The following WRAP53 variants were observed in gnomAD, a reference collection of about 807,000 sequenced individuals.
WRAP53 encodes the protein telomerase Cajal body protein 1.
WRAP53 carries 28 observed loss-of-function variants against 56.6 expected under a neutral mutation model. The ratio of observed to expected loss-of-function variants is 0.50; its 90% CI spans 0.37 to 0.68. The LOEUF is 0.68. WRAP53 is among the 30% of genes least tolerant of loss of function. The probability of loss-of-function intolerance (pLI) is 0.00; values close to 1 mark genes in which losing one functional copy is unlikely to be tolerated. For missense variants in WRAP53, 671 were observed against 715.5 expected (o/e 0.94, Z 0.71); for synonymous variants, 283 against 283.4 (o/e 1.00, Z 0.01).
intron 1 of WRAP53, 33 bp from the exon 2 acceptor site, chr17:7,688,615 C>G (rs986262623): frequency 1.2e-6 from 2 of 1,612,710 alleles, no homozygotes; most frequent in African/African-American, 2.7e-5. Context: ...GCCATCCTGG[C>G]TGAGGCTAAT....
upstream of WRAP53, chr17:7,686,939 G>A (rs2074003017): frequency 6.0e-6 from 1 of 166,710 alleles, no homozygotes; most frequent in African/African-American, 2.4e-5. Context: ...TTTCGGAATG[G>A]AGCCCCAGTT....
At chr17:7,689,877 C>G (rs1292072374) in intron 4 of WRAP53, among the ~76,000 whole-genome samples, 176 bp downstream of exon 4, 1 of 152,166 alleles carries the variant, frequency 6.6e-6, no homozygotes, top group Non-Finnish European at 1.5e-5. Flanking sequence ...GAGAGGTTTC[C>G]CCTTTCTTTA....
chr17:7,703,306 A>C lies in WRAP53; in HGVS notation c.1467A>C (p.Thr489=). The change falls in exon 11 of 11, where the codon ACA becomes ACC. Residue 489 remains threonine (T), a synonymous_variant. Coordinates refer to ENST00000396463, the MANE Select transcript of WRAP53 (RefSeq NM_001143992.2). ...ASGQRVFPEP[T]ESGDEGEELG... is the part of the protein sequence containing the mutation. The stretch of plus-strand genomic sequence containing the variant: ...GTCAGCGTGTGTTTCCTGAGCCCAC[A>C]GAGAGTGGGGACGAAGGAGAGGAGC... 1 of 1,613,922 alleles carries C rather than the reference A, an allele frequency of 6.2e-7. No homozygotes were observed. Among genetic ancestry groups the C allele is most frequent in the Non-Finnish European group, 8.5e-7 (1 of 1,180,012 alleles).
intron 4 of WRAP53, among the ~76,000 whole-genome samples, chr17:7,696,297 T>TTA (rs2081155243): frequency 7.3e-6 from 1 of 136,474 alleles, no homozygotes; most frequent in Non-Finnish European, 1.6e-5. Context: ...GAGATTTTTT[T>TTA]TTTTTTTTTT....
intron 4 of WRAP53, among the ~76,000 whole-genome samples, chr17:7,691,408 T>TG: frequency 6.7e-6 from 1 of 149,156 alleles, no homozygotes; most frequent in African/African-American, 2.5e-5. Context: ...TTTTTTTTTT[T>TG]GAGACGAGTC....
intron 4 of WRAP53, among the ~76,000 whole-genome samples, chr17:7,693,672 C>A (rs1295025684): frequency 1.3e-5 from 2 of 151,686 alleles, no homozygotes; most frequent in Admixed American, 1.3e-4. Flanking sequence ...GTGAGCTGAT[C>A]GCACCACTGC....
chr17:7,700,990 T>G lies in WRAP53; in HGVS notation c.731+161T>G. On this transcript the variant is annotated intron_variant, in intron 5 of 10. Transcript: ENST00000396463. ...CTTCCTCCCCTTCCTTTTTTTTTTT[T>G]TAGATTGAGTCTCCCTCTGTCACCC... Among the ~76,000 whole-genome samples the G allele has an allele frequency of 1.3e-5, 2 of 151,806 alleles. 1 individual carries two copies. Among genetic ancestry groups the G allele is most frequent in the East Asian group, 3.9e-4 (2 of 5,170 alleles).
Position 7,701,940 on chromosome 17 carries a change from A to T in WRAP53, c.955+151A>T. On this transcript the variant is annotated intron_variant, in intron 7 of 10. Transcript: ENST00000396463. The surrounding 1 kb of genome is among the most constrained non-coding windows in gnomAD (Gnocchi z 4.2). ...TGCAGCCCAGTCGGCAGAGGAGCAA[A>T]CAGGCTCAGAGCAGGTAGGAAACCT... 1 of 1,330,808 alleles carries T rather than the reference A, an allele frequency of 7.5e-7. No individual in the cohort carries two copies. The highest frequency in any genetic ancestry group is 1.0e-6 in the Non-Finnish European group (1 of 959,512). 82.4% of individuals were successfully genotyped at this position (1,330,808 alleles called of 1,614,324 possible). A position where few individuals can be genotyped will look rare whatever the true frequency, so the allele number is the denominator to read the frequency against.
chr17:7,689,433 C>G lies in WRAP53; in HGVS notation c.530+111C>G. 9 of 1,289,064 alleles carry G rather than the reference C, an allele frequency of 7.0e-6. No homozygotes were observed. In the Admixed American group the frequency reaches 7.4e-5, roughly 11 times the overall value. The allele number at this position is 1,289,064 out of a possible 1,614,324, so 79.9% of individuals were successfully genotyped here. On this transcript the variant is annotated intron_variant, in intron 3 of 10. Coordinates refer to ENST00000396463, the MANE Select transcript of WRAP53 (RefSeq NM_001143992.2). ...AGAGCTGGGAGAAGCGGCACGTAGC[C>G]CTTTTAGACTGAGCTTACATTTTAT...
intron 4 of WRAP53, among the ~76,000 whole-genome samples, chr17:7,695,727 GTC>G (rs1346517064): frequency 6.6e-6 from 1 of 152,120 alleles, no homozygotes; most frequent in African/African-American, 2.4e-5. Context: ...AAAAGCCAGG[GTC>G]TCTCTCATCC....
Position 7,703,406 on chromosome 17 carries a change from C to A in WRAP53, c.1567C>A (p.Pro523Thr). 1 of 1,611,834 alleles carries A rather than the reference C, an allele frequency of 6.2e-7. No individual in the cohort carries two copies. Among genetic ancestry groups the A allele is most frequent in the African/African-American group, 1.3e-5 (1 of 74,604 alleles). Residue 523 changes from proline (P) to threonine (T), a missense_variant, in exon 11 of 11, where the codon CCA becomes ACA. Pro to Thr is a conservative substitution (Grantham distance 38). Coordinates refer to ENST00000396463, the MANE Select transcript of WRAP53 (RefSeq NM_001143992.2). ...TCAGCTCTGGTGGTGTGGGGGGGCG[C>A]CAGACTCCAGCATCCCTGATGATCA... ...RLQLWWCGGA[P>T]DSSIPDDHQG...
In WRAP53 at chr17:7,701,796, A is replaced by C. The variant is rs1328121037; in HGVS notation, c.955+7A>C. 6.2e-7 allele frequency: 1 copy of C among 1,613,560 alleles called. No individual in the cohort carries two copies. The highest frequency in any genetic ancestry group is 8.5e-7 in the Non-Finnish European group (1 of 1,179,806). On this transcript the variant is annotated splice_region_variant and intron_variant, in intron 7 of 10. Coordinates refer to ENST00000396463, the MANE Select transcript of WRAP53 (RefSeq NM_001143992.2). The surrounding 1 kb of genome is among the most constrained non-coding windows in gnomAD (Gnocchi z 4.2). ...GAGGTCCGAGCCACATTTGGTAAGC[A>C]TCTGTGCCTCCAAGGGAGGAGGAGA... is the stretch of plus-strand genomic sequence containing the variant.
chr17:7,691,413 C>T (rs1242707836), intron 4 of WRAP53, among the ~76,000 whole-genome samples: 6 of 128,722 alleles, frequency 4.7e-5, no homozygotes, highest in South Asian at 2.6e-4. Context: ...TTTTTTGAGA[C>T]GAGTCTTGCT....
chr17:7,689,062 A>C lies in WRAP53; in HGVS notation c.414A>C (p.Ala138=). ...AAGATACCTCTGGGGAACCCGCTGC[A>C]GAGGACGAGGGAGACACGTAAGTGG... ...AMEDTSGEPA[A]EDEGDTAWNY... Residue 138 remains alanine, a synonymous_variant, in exon 2 of 11, where the codon GCA becomes GCC. Coordinates refer to ENST00000396463, the MANE Select transcript of WRAP53 (RefSeq NM_001143992.2). 6.2e-7 allele frequency: 1 copy of C among 1,614,156 alleles called. No individual in the cohort carries two copies. Among genetic ancestry groups the C allele is most frequent in the South Asian group, 1.1e-5 (1 of 91,088 alleles).
chr17:7,688,680 C>T lies in WRAP53; in HGVS notation c.32C>T (p.Pro11Leu), dbSNP rs140694361. 6 of 1,614,108 alleles carry T rather than the reference C, an allele frequency of 3.7e-6. No homozygotes were observed. In the African/African-American group the frequency reaches 8.0e-5, roughly 22 times the overall value. MKTLETQPLA[P>L]DCCPSDQDPA... ...ACTTTGGAGACTCAACCGTTAGCTCCGGACTGCTGTCCTTCAGACCAGGAC... is the reference window on the plus strand; with the variant it reads ...ACTTTGGAGACTCAACCGTTAGCTCTGGACTGCTGTCCTTCAGACCAGGAC... The change falls in exon 2 of 11, where the codon CCG becomes CTG. Residue 11 changes from proline (P) to leucine (L), a missense_variant. This residue lies in a region of WRAP53 where 406 missense variants were observed against 418.5 expected (regional missense o/e 0.97). Transcript: ENST00000396463.
chr17:7,698,214 A>C (rs185403670), intron 4 of WRAP53, among the ~76,000 whole-genome samples: 1 of 152,218 alleles, frequency 6.6e-6, no homozygotes, highest in Non-Finnish European at 1.5e-5. Context: ...ACTCTTCAGC[A>C]GAAACTGTAG....
chr17:7,699,623 A>G lies in WRAP53; in HGVS notation c.643-1118A>G, dbSNP rs1370326485. Among the ~76,000 whole-genome samples the G allele has an allele frequency of 6.9e-5, 10 of 144,168 alleles. 1 individual carries two copies. In the East Asian group the frequency reaches 1.6e-3, roughly 23 times the overall value. The allele number at this position is 144,168 out of a possible 152,430, so 94.6% of individuals were successfully genotyped here. On this transcript the variant is annotated intron_variant, in intron 4 of 10. Transcript: ENST00000396463. ...TTTCTGTTAGGAAAGGGGTTTAAAC[A>G]TATCTTTTTGTTCAGCTGGATGGAG... is the stretch of plus-strand genomic sequence containing the variant.
At position 7,703,152 on chromosome 17, in the gene WRAP53, T is replaced by C. The variant is rs374527590; in HGVS notation, c.1403+25T>C. 135 of 1,613,862 alleles carry C rather than the reference T, an allele frequency of 8.4e-5. 2 individuals carry two copies. The highest frequency in any genetic ancestry group is 5.1e-4 in the South Asian group (46 of 91,076). ...GGTCCTCAGTTCAATTCCAGAGATG[T>C]TGGGGCTTGGGTTGGGGAGGGAGGT... is the stretch of plus-strand genomic sequence containing the variant. On this transcript the variant is annotated intron_variant, in intron 10 of 10. Transcript: ENST00000396463.
chr17:7,700,808 C>T lies in WRAP53; in HGVS notation c.710C>T (p.Ser237Leu). The T allele has an allele frequency of 6.2e-7, 1 of 1,612,924 alleles. No homozygotes were observed. The highest frequency in any genetic ancestry group is 8.5e-7 in the Non-Finnish European group (1 of 1,179,120). ...TACTGCTGGTATTCTCTGATGTCCT[C>T]AGCCCAGCCAGACACCTCCTAGTAA... Reference protein sequence around the residue: ...YDYCWYSLMSSAQPDTSYVAS... With the variant: ...YDYCWYSLMSLAQPDTSYVAS... Residue 237 changes from serine (S) to leucine (L), a missense_variant, in exon 5 of 11, where the codon TCA becomes TTA. Physicochemically the swap from Ser to Leu is moderately radical, Grantham distance 145. This residue lies in a region of WRAP53 where 406 missense variants were observed against 418.5 expected (regional missense o/e 0.97). Coordinates refer to ENST00000396463, the MANE Select transcript of WRAP53 (RefSeq NM_001143992.2).
Sources: allele counts gnomAD v4.1 joint callset (sites outside exome capture counted in the v4.1 genomes callset), GRCh38; gene constraint gnomAD v4.1.1; regional missense constraint gnomAD v4.1.1; non-coding constraint Gnocchi (gnomAD v3.1); transcripts MANE v1.5; gene names NCBI Gene and HGNC (gene_info 2026-07-23, HGNC 2026-07-21).